KCNE1: variants seen among roughly 807,000 people sequenced by gnomAD.
KCNE1 encodes potassium voltage-gated channel subfamily E member 1.
Under a neutral mutation model 2.9 loss-of-function variants are expected in KCNE1, and 1 was observed. That is an observed-to-expected ratio of 0.34 (90% CI 0.12 to 1.62). The LOEUF is 1.62. KCNE1 is among the 40% of genes most tolerant of loss of function. The probability of loss-of-function intolerance (pLI) is 0.36; values close to 1 mark genes in which losing one functional copy is unlikely to be tolerated. For synonymous variants in KCNE1, 23 were observed against 65.4 expected (o/e 0.35, Z 3.13); for missense variants, 45 against 150.5 (o/e 0.30, Z 3.67).
chr21:34,499,026 G>T (rs895060535), intron 2 of KCNE1, among the ~76,000 whole-genome samples: 1 of 152,224 alleles, frequency 6.6e-6, no homozygotes, highest in East Asian at 1.9e-4. Context: ...TGGGGGCAGA[G>T]TTTGGCATGT....
At chr21:34,496,561 A>G (rs1982822423) in intron 2 of KCNE1, among the ~76,000 whole-genome samples, 1 of 151,278 alleles carries the variant, frequency 6.6e-6, no homozygotes, top group Admixed American at 6.6e-5. Flanking sequence ...ATTTATTGAG[A>G]TGTTTTTTGT....
intron 2 of KCNE1, among the ~76,000 whole-genome samples, chr21:34,496,319 C>T (rs896257514): frequency 3.3e-5 from 5 of 152,108 alleles, no homozygotes; most frequent in African/African-American, 4.8e-5. Context: ...GTGATCCACC[C>T]GCCTTGGCCT....
intron 2 of KCNE1, among the ~76,000 whole-genome samples, chr21:34,498,633 C>G (rs1265125708): frequency 6.6e-6 from 1 of 152,210 alleles, no homozygotes; most frequent in Non-Finnish European, 1.5e-5. Flanking sequence ...TCTCTGAGAG[C>G]CTTTGGTTGT....
intron 2 of KCNE1, among the ~76,000 whole-genome samples, chr21:34,509,155 G>A (rs1181055276): frequency 2.0e-5 from 3 of 152,256 alleles, no homozygotes; most frequent in African/African-American, 7.2e-5. Context: ...AAATCAAGGT[G>A]ACAGCCAGAG....
At chr21:34,502,612 T>G (rs1983234671) in intron 2 of KCNE1, among the ~76,000 whole-genome samples, 1 of 152,230 alleles carries the variant, frequency 6.6e-6, no homozygotes, top group African/African-American at 2.4e-5. Flanking sequence ...TAGGAGAGCC[T>G]ATCTCCAGCA....
rs1165515677 is a variant in KCNE1, at chr21:34,449,173, A to G, written c.*72T>C. ...TCCAGTGGTATCCATCACAATAAAG[A>G]GTATGAGAGGAATGTGATTAGAAAA... On this transcript the variant is annotated 3_prime_UTR_variant, in exon 4 of 4. Coordinates refer to ENST00000399286, the MANE Select transcript of KCNE1 (RefSeq NM_000219.6). 2 of 555,024 alleles carry G rather than the reference A, an allele frequency of 3.6e-6. No individual in the cohort carries two copies. Among genetic ancestry groups the G allele is most frequent in the Non-Finnish European group, 6.8e-6 (2 of 293,814 alleles). The allele number at this position is 555,024 out of a possible 1,614,324, so 34.4% of individuals were successfully genotyped here.
At chr21:34,500,221 T>C (rs1375895330) in intron 2 of KCNE1, among the ~76,000 whole-genome samples, 1 of 152,220 alleles carries the variant, frequency 6.6e-6, no homozygotes, top group Non-Finnish European at 1.5e-5. Flanking sequence ...TTAATATATA[T>C]ACACACAGTA....
intron 2 of KCNE1, chr21:34,510,858 T>C: frequency 6.5e-6 from 1 of 152,798 alleles, no homozygotes; most frequent in Non-Finnish European, 1.5e-5. Flanking sequence ...TGCCCTGGCC[T>C]GAGGCCTTCT....
intron 2 of KCNE1, among the ~76,000 whole-genome samples, chr21:34,497,663 T>C (rs1982896593): frequency 6.6e-6 from 1 of 152,224 alleles, no homozygotes; most frequent in East Asian, 1.9e-4. Flanking sequence ...CATGCCTAGA[T>C]GATGATCTAT....
intron 3 of KCNE1, among the ~76,000 whole-genome samples, chr21:34,450,305 C>A (rs1040800301): frequency 2.1e-5 from 1 of 48,622 alleles, no homozygotes. Flanking sequence ...ACTGGTTGCC[C>A]TTGGAAGCAA....
intron 2 of KCNE1, among the ~76,000 whole-genome samples, chr21:34,504,685 T>G (rs1474863063): frequency 6.6e-6 from 1 of 152,134 alleles, no homozygotes; most frequent in Non-Finnish European, 1.5e-5. Context: ...ACTGACACAA[T>G]GTGGTCTATC....
At chr21:34,450,053 CT>C (rs1753411171) in intron 3 of KCNE1, among the ~76,000 whole-genome samples, 1 of 94,022 alleles carries the variant, frequency 1.1e-5, no homozygotes, top group Non-Finnish European at 2.4e-5. Context: ...CATGACTGTG[CT>C]TTTGTGGCTC....
intron 2 of KCNE1, among the ~76,000 whole-genome samples, chr21:34,504,856 G>A (rs1983388568): frequency 6.6e-6 from 1 of 152,186 alleles, no homozygotes; most frequent in Non-Finnish European, 1.5e-5. Context: ...GAAATCTATA[G>A]AAACAGAAAG....
intron 2 of KCNE1, among the ~76,000 whole-genome samples, chr21:34,505,388 G>C (rs1983419474): frequency 6.6e-6 from 1 of 152,002 alleles, no homozygotes; most frequent in African/African-American, 2.4e-5. Context: ...ACTTGCCTCG[G>C]CCTCCCAAAG....
intron 2 of KCNE1, among the ~76,000 whole-genome samples, chr21:34,496,579 C>T (rs182050603): frequency 2.6e-5 from 4 of 152,184 alleles, no homozygotes; most frequent in African/African-American, 9.7e-5. Context: ...TGTGGCCTAT[C>T]ATATGGTCTA....
Position 34,511,046 on chromosome 21 carries a change from T to G in KCNE1, c.-162+55A>C, listed in dbSNP as rs41313003. ...CCTGATGTCAGGGTGGGCATGAGGG[T>G]GGGAGCAGAGGGTGCCTAACTGAGG... is the stretch of plus-strand genomic sequence containing the variant. On this transcript the variant is annotated intron_variant, in intron 2 of 3. Transcript: ENST00000399286. 323 of 642,976 alleles carry G rather than the reference T, an allele frequency of 5.0e-4. 1 individual carries two copies. The highest frequency in any genetic ancestry group is 4.7e-3 in the Middle Eastern group (6 of 1,278). 39.8% of individuals were successfully genotyped at this position (642,976 alleles called of 1,614,324 possible). A position where few individuals can be genotyped will look rare whatever the true frequency, so the allele number is the denominator to read the frequency against.
At chr21:34,504,607 G>C (rs1296995003) in intron 2 of KCNE1, among the ~76,000 whole-genome samples, 1 of 152,164 alleles carries the variant, frequency 6.6e-6, no homozygotes, top group Non-Finnish European at 1.5e-5. Context: ...TGGACACTTG[G>C]ACACAAATGT....
chr21:34,511,261 C>T lies in KCNE1; in HGVS notation c.-322G>A. On this transcript the variant is annotated 5_prime_UTR_variant, in exon 2 of 4. The change abolishes an upstream ATG in the 5' untranslated region. Coordinates refer to ENST00000399286, the MANE Select transcript of KCNE1 (RefSeq NM_000219.6). ...CGGTTCTCCTGGTTGAGCTCCAGGCCATGCCATTCAACGCCCTCCAGGACA... is the reference window on the plus strand; with the variant it reads ...CGGTTCTCCTGGTTGAGCTCCAGGCTATGCCATTCAACGCCCTCCAGGACA... The T allele has an allele frequency of 2.0e-6, 2 of 985,528 alleles. No individual in the cohort carries two copies. Among genetic ancestry groups the T allele is most frequent in the Non-Finnish European group, 2.4e-6 (2 of 830,002 alleles). The allele number at this position is 985,528 out of a possible 1,614,324, so 61.0% of individuals were successfully genotyped here. A position where few individuals can be genotyped will look rare whatever the true frequency, so the allele number is the denominator to read the frequency against.
intron 2 of KCNE1, among the ~76,000 whole-genome samples, chr21:34,507,842 T>G (rs1983592777): frequency 6.6e-6 from 1 of 152,216 alleles, no homozygotes; most frequent in Non-Finnish European, 1.5e-5. Flanking sequence ...GTAGCATGCA[T>G]AACGACACCA....
Sources: gnomAD v4.1 joint callset for allele counts (sites outside exome capture counted in the v4.1 genomes callset) on GRCh38, gnomAD v4.1.1 for gene constraint, MANE v1.5 for transcripts, NCBI Gene and HGNC (gene_info 2026-07-23, HGNC 2026-07-21) for gene names.